The following E2F3 variants were observed in gnomAD, a reference collection of about 807,000 sequenced individuals.
E2F3 encodes the protein transcription factor E2F3.
A neutral mutation model predicts 44.4 loss-of-function variants in E2F3; 11 were observed. The ratio of observed to expected loss-of-function variants is 0.25; its 90% CI spans 0.16 to 0.41. E2F3 has a LOEUF of 0.41. Ranked by LOEUF, E2F3 falls within the 10% of genes least tolerant of loss-of-function variation. The pLI is 1.00. For missense variants in E2F3, 487 were observed against 583.6 expected (o/e 0.83, Z 1.70); for synonymous variants, 249 against 253.0 (o/e 0.98, Z 0.15).
intron 3 of E2F3, among the ~76,000 whole-genome samples, chr6:20,482,346 T>TG (rs1447599496): frequency 2.7e-5 from 4 of 150,320 alleles, no homozygotes; most frequent in South Asian, 2.1e-4. Context: ...TTTTTTGTTT[T>TG]TTTTTTTTTT....
At chr6:20,433,733 C>CAT (rs148849497) in intron 1 of E2F3, among the ~76,000 whole-genome samples, 42 of 151,332 alleles carry the variant, frequency 2.8e-4, no homozygotes, top group African/African-American at 4.8e-4. Flanking sequence ...TTTGTAATCC[C>CAT]ATATATATAT....
intron 1 of E2F3, among the ~76,000 whole-genome samples, chr6:20,436,474 C>CAG (rs1760583910): frequency 7.6e-6 from 1 of 131,350 alleles, no homozygotes; most frequent in African/African-American, 2.8e-5. Context: ...CACACACACA[C>CAG]ACACAGAGAG....
chr6:20,486,052 A>G (rs1269431905), intron 4 of E2F3, among the ~76,000 whole-genome samples: 1 of 152,178 alleles, frequency 6.6e-6, no homozygotes. Flanking sequence ...CTGTGCTGCA[A>G]AGGACCCTGG....
chr6:20,472,159 AAAAT>A (rs68039407), intron 1 of E2F3, among the ~76,000 whole-genome samples: 101,346 of 151,144 alleles, frequency 0.67, 34,961 homozygotes, highest in Non-Finnish European at 0.77. Context: ...TGGTTCATTC[AAAAT>A]AAATAAGTCA....
chr6:20,432,240 T>C (rs1760427905), intron 1 of E2F3, among the ~76,000 whole-genome samples: 1 of 152,128 alleles, frequency 6.6e-6, no homozygotes, highest in African/African-American at 2.4e-5. Context: ...TTCAAAAAAC[T>C]CTTCCATCTT....
chr6:20,422,140 A>G (rs1203568175), intron 1 of E2F3, among the ~76,000 whole-genome samples: 1 of 152,224 alleles, frequency 6.6e-6, no homozygotes, highest in Non-Finnish European at 1.5e-5. Flanking sequence ...GATCTTAGCT[A>G]GATCTTCTGA....
rs75292037 is a variant in E2F3, at chr6:20,461,737, C to T, written c.394-18109C>T. Among the ~76,000 whole-genome samples the T allele has an allele frequency of 8.4e-3, 1,284 of 152,252 alleles. 19 individuals carry two copies. The highest frequency in any genetic ancestry group is 0.029 in the African/African-American group (1,200 of 41,540). The stretch of plus-strand genomic sequence containing the variant: ...ATTGGCCTGTGTTGATAACTATAGC[C>T]TGGTGCTAATGCTGCTCTACAAATT... On this transcript the variant is annotated intron_variant, in intron 1 of 6. Transcript: ENST00000346618.
intron 2 of E2F3, among the ~76,000 whole-genome samples, chr6:20,480,748 A>G (rs1384094740): frequency 2.6e-5 from 4 of 152,128 alleles, no homozygotes; most frequent in Non-Finnish European, 5.9e-5. Context: ...CACAGATACC[A>G]GAGCCTGAAA....
At chr6:20,413,076 T>C (rs1759727195) in intron 1 of E2F3, among the ~76,000 whole-genome samples, 1 of 152,188 alleles carries the variant, frequency 6.6e-6, no homozygotes, top group Non-Finnish European at 1.5e-5. Context: ...CATTAATAAG[T>C]GGGGCAACTG....
At chr6:20,432,102 T>C (rs1299831125) in intron 1 of E2F3, among the ~76,000 whole-genome samples, 1 of 152,270 alleles carries the variant, frequency 6.6e-6, no homozygotes, top group Non-Finnish European at 1.5e-5. Context: ...CTGGGGGTTA[T>C]GACTTCAACA....
chr6:20,420,631 A>G (rs1054157721), intron 1 of E2F3, among the ~76,000 whole-genome samples: 1 of 152,214 alleles, frequency 6.6e-6, no homozygotes, highest in Non-Finnish European at 1.5e-5. Context: ...ATTATATCAA[A>G]AACCAACGTA....
intron 1 of E2F3, among the ~76,000 whole-genome samples, chr6:20,463,221 C>A (rs1761584582): frequency 6.6e-6 from 1 of 152,048 alleles, no homozygotes; most frequent in South Asian, 2.1e-4. Flanking sequence ...CTGCACCAGG[C>A]CAAATCTCTT....
chr6:20,404,786 T>G (rs1561844491), intron 1 of E2F3, among the ~76,000 whole-genome samples: 1 of 152,168 alleles, frequency 6.6e-6, no homozygotes, highest in Non-Finnish European at 1.5e-5. Flanking sequence ...TGCTTAGACA[T>G]AGCAGTATCC....
intron 1 of E2F3, among the ~76,000 whole-genome samples, chr6:20,469,816 G>A (rs1463705649): frequency 6.6e-6 from 1 of 152,204 alleles, no homozygotes. Context: ...CTCTGAGATA[G>A]TCTGGTTTGT....
At chr6:20,432,080 C>T (rs1395655439) in intron 1 of E2F3, among the ~76,000 whole-genome samples, 3 of 152,266 alleles carry the variant, frequency 2.0e-5, no homozygotes, top group African/African-American at 7.2e-5. Flanking sequence ...AATACAGCCA[C>T]ATTCTGAGGC....
intron 1 of E2F3, among the ~76,000 whole-genome samples, chr6:20,474,260 A>T (rs1196690457): frequency 6.6e-6 from 1 of 152,128 alleles, no homozygotes; most frequent in Non-Finnish European, 1.5e-5. Context: ...ATTTTCCTAC[A>T]TAGATTTTCA....
intron 1 of E2F3, among the ~76,000 whole-genome samples, chr6:20,426,814 A>G (rs1054710951): frequency 6.6e-6 from 1 of 152,160 alleles, no homozygotes; most frequent in Non-Finnish European, 1.5e-5. Context: ...ATCCCCCCCA[A>G]TACAACTGCC....
chr6:20,480,878 T>C (rs1581653266), intron 2 of E2F3, among the ~76,000 whole-genome samples: 1 of 152,194 alleles, frequency 6.6e-6, no homozygotes, highest in East Asian at 1.9e-4. Context: ...CACTCTTTCA[T>C]TCATTTGACA....
intron 2 of E2F3, among the ~76,000 whole-genome samples, chr6:20,480,829 A>G (rs1762198834): frequency 6.6e-6 from 1 of 152,120 alleles, no homozygotes; most frequent in East Asian, 1.9e-4. Context: ...TGGCTCCATC[A>G]CCGTAGGCCT....
Sources: allele counts gnomAD v4.1 joint callset (sites outside exome capture counted in the v4.1 genomes callset), GRCh38; gene constraint gnomAD v4.1.1; transcripts MANE v1.5; gene names NCBI Gene and HGNC (gene_info 2026-07-23, HGNC 2026-07-21).